The following ATRN variants were observed in gnomAD, a reference collection of about 807,000 sequenced individuals.
ATRN encodes the protein attractin.
Under a neutral mutation model 178.7 loss-of-function variants are expected in ATRN, and 54 were observed. The ratio of observed to expected loss-of-function variants is 0.30; its 90% CI spans 0.24 to 0.38. The LOEUF is 0.38. Among genes scored for constraint, ATRN ranks in the 10% least tolerant of loss-of-function variants. The probability of loss-of-function intolerance (pLI) is 1.00; values close to 1 mark genes in which losing one functional copy is unlikely to be tolerated. For missense variants in ATRN, 1,443 were observed against 1,815.1 expected (o/e 0.79, Z 3.73); for synonymous variants, 636 against 663.0 (o/e 0.96, Z 0.63).
At chr20:3,596,163 G>T (rs1261656519) in intron 20 of ATRN, among the ~76,000 whole-genome samples, 1 of 152,202 alleles carries the variant, frequency 6.6e-6, no homozygotes, top group Non-Finnish European at 1.5e-5. Context: ...CTTGTCAATT[G>T]TCCTCATATA....
chr20:3,588,220 C>A (rs1371543077), intron 18 of ATRN, among the ~76,000 whole-genome samples: 1 of 152,124 alleles, frequency 6.6e-6, no homozygotes, highest in Non-Finnish European at 1.5e-5. Context: ...TCTTTACTTT[C>A]TTTTGGCATT....
At chr20:3,480,668 A>G (rs1016934403) in intron 1 of ATRN, among the ~76,000 whole-genome samples, 2 of 152,162 alleles carry the variant, frequency 1.3e-5, no homozygotes, top group African/African-American at 2.4e-5. Context: ...ACAAATTACC[A>G]TAGACTTTAC....
intron 1 of ATRN, among the ~76,000 whole-genome samples, chr20:3,531,547 G>A (rs1313226689): frequency 6.6e-6 from 1 of 152,146 alleles, no homozygotes; most frequent in Non-Finnish European, 1.5e-5. Flanking sequence ...GGGATACTAT[G>A]CTACATAAAG....
chr20:3,487,047 T>C (rs2084704357), intron 1 of ATRN, among the ~76,000 whole-genome samples: 1 of 152,226 alleles, frequency 6.6e-6, no homozygotes, highest in South Asian at 2.1e-4. Flanking sequence ...TCCTCAGATC[T>C]GTTCTCTAGT....
chr20:3,539,505 G>A (rs1178670693), intron 2 of ATRN, among the ~76,000 whole-genome samples: 2 of 152,200 alleles, frequency 1.3e-5, no homozygotes, highest in Admixed American at 1.3e-4. Context: ...TTTGGAAAAT[G>A]GGAATTTTAG....
At chr20:3,597,071 T>TATATATATATATATATATATATAA (rs11087589) in intron 21 of ATRN, among the ~76,000 whole-genome samples, 6,840 of 133,710 alleles carry the variant, frequency 0.051, 297 homozygotes, top group Admixed American at 0.081. Flanking sequence ...TATATATATA[T>TATATATATATATATATATATATAA]ATAAAACTTC....
chr20:3,506,801 G>A (rs2085050940), intron 1 of ATRN, among the ~76,000 whole-genome samples: 1 of 151,792 alleles, frequency 6.6e-6, no homozygotes. Context: ...ATCAGAAATA[G>A]ACTTTAAAAT....
intron 23 of ATRN, among the ~76,000 whole-genome samples, chr20:3,601,713 A>G (rs1010392141): frequency 1.3e-5 from 2 of 150,962 alleles, no homozygotes; most frequent in Non-Finnish European, 3.0e-5. Context: ...AAAAAAAAAA[A>G]AAAACCCAGG....
In ATRN at chr20:3,634,329, C is replaced by G; in HGVS notation, c.3882C>G (p.Leu1294=). Residue 1294 remains leucine (L), a synonymous_variant, in exon 26 of 29, where the codon CTC becomes CTG. Transcript: ENST00000262919. ...CTCACAGTTGTTTCCTCTCTTTGCT[C>G]CTGGTGGCTGCTGTGGTTTGGAAGA... ...VTFFSCFLSL[L]LVAAVVWKIK... 1.2e-6 allele frequency: 2 copies of G among 1,612,466 alleles called. No homozygotes were observed. Among genetic ancestry groups the G allele is most frequent in the Non-Finnish European group, 1.7e-6 (2 of 1,178,732 alleles).
chr20:3,642,616 G>C (rs764363344), intron 27 of ATRN, among the ~76,000 whole-genome samples: 1 of 152,158 alleles, frequency 6.6e-6, no homozygotes, highest in African/African-American at 2.4e-5. Context: ...CTTCATAACT[G>C]ATCTCCCTGC....
intron 10 of ATRN, 127 bp downstream of exon 10, chr20:3,563,490 A>AT (rs1225596414): frequency 5.4e-6 from 5 of 928,472 alleles, no homozygotes; most frequent in African/African-American, 1.7e-5. Flanking sequence ...TCCAAATGGT[A>AT]TTTTTTATAT....
chr20:3,558,506 ATTTAC>A (rs1190522057), intron 6 of ATRN, among the ~76,000 whole-genome samples: 1 of 151,188 alleles, frequency 6.6e-6, no homozygotes, highest in Admixed American at 6.6e-5. Context: ...GAAAAGAAAC[ATTTAC>A]TTAAGATATA....
intron 27 of ATRN, among the ~76,000 whole-genome samples, chr20:3,641,954 G>T (rs1358577311): frequency 6.6e-6 from 1 of 152,164 alleles, no homozygotes; most frequent in Non-Finnish European, 1.5e-5. Flanking sequence ...CATTATCCTG[G>T]TAAAATAATA....
At chr20:3,544,185 T>C (rs2085664859) in intron 3 of ATRN, among the ~76,000 whole-genome samples, 1 of 152,168 alleles carries the variant, frequency 6.6e-6, no homozygotes, top group Non-Finnish European at 1.5e-5. Context: ...TACGGTCCAT[T>C]GTTTTGCAGC....
At chr20:3,630,647 C>A (rs1044781649) in intron 25 of ATRN, among the ~76,000 whole-genome samples, 1 of 152,116 alleles carries the variant, frequency 6.6e-6, no homozygotes, top group Non-Finnish European at 1.5e-5. Flanking sequence ...AGTCCCTGGG[C>A]GACCGAATGA....
chr20:3,599,207 T>C (rs917772800), intron 22 of ATRN, among the ~76,000 whole-genome samples: 2 of 152,212 alleles, frequency 1.3e-5, no homozygotes, highest in African/African-American at 4.8e-5. Flanking sequence ...GACTGGAATT[T>C]TTTTCTTAAC....
At chr20:3,571,789 T>G (rs1201743606) in intron 11 of ATRN, among the ~76,000 whole-genome samples, 1 of 152,206 alleles carries the variant, frequency 6.6e-6, no homozygotes, top group Admixed American at 6.5e-5. Flanking sequence ...TTTTTTTACT[T>G]TGCTTATAGC....
chr20:3,552,042 A>G (rs185107944), intron 6 of ATRN, among the ~76,000 whole-genome samples: 11 of 152,274 alleles, frequency 7.2e-5, no homozygotes, highest in Admixed American at 6.5e-4. Context: ...CCAACATTTG[A>G]TACAGTTATC....
intron 1 of ATRN, among the ~76,000 whole-genome samples, chr20:3,477,037 T>C (rs113025732): frequency 3.5e-4 from 50 of 143,972 alleles, no homozygotes; most frequent in African/African-American, 1.1e-3. Flanking sequence ...GGCAGGGGCC[T>C]GGAGCATAGT....
Sources: allele counts gnomAD v4.1 joint callset (sites outside exome capture counted in the v4.1 genomes callset), GRCh38; gene constraint gnomAD v4.1.1; transcripts MANE v1.5; gene names NCBI Gene and HGNC (gene_info 2026-07-23, HGNC 2026-07-21).